The following DLG2 variants were observed in gnomAD, a reference collection of about 807,000 sequenced individuals.
DLG2 encodes the protein discs large MAGUK scaffold protein 2.
DLG2 carries 45 observed loss-of-function variants against 132.5 expected under a neutral mutation model. That is an observed-to-expected ratio of 0.34 (90% CI 0.27 to 0.44). The LOEUF is 0.44. DLG2 is among the 20% of genes least tolerant of loss of function. The pLI, the probability that DLG2 is intolerant of heterozygous loss-of-function variation, is 1.00. For synonymous variants in DLG2, 424 were observed against 419.6 expected (o/e 1.01, Z -0.13); for missense variants, 1,045 against 1,196.9 (o/e 0.87, Z 1.87).
chr11:85,271,883 T>C (rs777445625), intron 4 of DLG2, among the ~76,000 whole-genome samples: 1 of 152,218 alleles, frequency 6.6e-6, no homozygotes, highest in African/African-American at 2.4e-5. Context: ...TTGTCTCAGA[T>C]GAAACTTTGG....
chr11:84,837,474 C>T (rs1054597350), intron 6 of DLG2, among the ~76,000 whole-genome samples: 1 of 151,748 alleles, frequency 6.6e-6, no homozygotes, highest in Non-Finnish European at 1.5e-5. Flanking sequence ...GCCCATTCTC[C>T]TAGATGGCTC....
At chr11:85,483,892 C>CAA (rs5793164) in intron 3 of DLG2, among the ~76,000 whole-genome samples, 2,088 of 85,204 alleles carry the variant, frequency 0.025, 41 homozygotes, top group East Asian at 0.13. Flanking sequence ...TGCAGTGAGC[C>CAA]AAAAAAAAAA....
At chr11:84,712,974 T>C (rs1417944694) in intron 6 of DLG2, among the ~76,000 whole-genome samples, 1 of 152,132 alleles carries the variant, frequency 6.6e-6, no homozygotes, top group Admixed American at 6.5e-5. Context: ...TGTGATTTAA[T>C]AACCTCATGC....
intron 6 of DLG2, among the ~76,000 whole-genome samples, chr11:84,804,228 C>T (rs1244993537): frequency 2.6e-5 from 4 of 152,194 alleles, no homozygotes; most frequent in Non-Finnish European, 5.9e-5. Flanking sequence ...CTACTGCCAA[C>T]TTTATGTTTA....
At chr11:84,432,095 A>G (rs750755901) in intron 7 of DLG2, among the ~76,000 whole-genome samples, 16 of 152,236 alleles carry the variant, frequency 1.1e-4, no homozygotes, top group African/African-American at 1.7e-4. Context: ...CAAATGCACA[A>G]GTTGCTGTGG....
chr11:85,610,272 G>A (rs1216112495), intron 2 of DLG2, among the ~76,000 whole-genome samples: 3 of 152,178 alleles, frequency 2.0e-5, no homozygotes, highest in Non-Finnish European at 4.4e-5. Context: ...CCCAATTCTA[G>A]GAGTACAAAA....
intron 7 of DLG2, among the ~76,000 whole-genome samples, chr11:84,267,465 A>G (rs1351285937): frequency 6.6e-6 from 1 of 152,214 alleles, no homozygotes; most frequent in East Asian, 1.9e-4. Flanking sequence ...CTTCTTTAGC[A>G]CTGTATCCTA....
At chr11:85,489,831 T>G (rs1421077853) in intron 3 of DLG2, among the ~76,000 whole-genome samples, 4 of 151,810 alleles carry the variant, frequency 2.6e-5, no homozygotes, top group Admixed American at 2.6e-4. Flanking sequence ...TGTCAACAAA[T>G]AAATTATGAA....
chr11:84,492,868 C>T (rs1434065797), intron 7 of DLG2, among the ~76,000 whole-genome samples: 1 of 151,938 alleles, frequency 6.6e-6, no homozygotes, highest in Non-Finnish European at 1.5e-5. Flanking sequence ...AACCATCAGA[C>T]CAAAGGAATT....
chr11:85,387,200 T>C (rs1267254418), intron 3 of DLG2, among the ~76,000 whole-genome samples: 1 of 152,196 alleles, frequency 6.6e-6, no homozygotes, highest in East Asian at 1.9e-4. Context: ...CTTAATGAAA[T>C]ATATTTTATC....
rs1555136195 is a variant in DLG2 at position 84,650,900 on chromosome 11, T to TAA, written c.358-116171_358-116170dup. On this transcript the variant is annotated intron_variant, in intron 6 of 27. Transcript: ENST00000376104. ...ATATATATATATATATATATATATA[T>TAA]AAAATTTTTGTGCATTTGTTGAAGT... 5.3e-3 allele frequency among the ~76,000 whole-genome samples: 729 copies of TAA among 138,346 alleles called. 8 individuals are homozygous for TAA. The highest frequency in any genetic ancestry group is 0.02 in the African/African-American group (683 of 34,060). The allele number at this position is 138,346 out of a possible 152,430, so 90.8% of individuals were successfully genotyped here.
At chr11:83,891,481 C>T (rs1789713020) in intron 15 of DLG2, among the ~76,000 whole-genome samples, 1 of 152,106 alleles carries the variant, frequency 6.6e-6, no homozygotes, top group Admixed American at 6.6e-5. Context: ...CGCTTTTAAG[C>T]AAAATTAAAA....
intron 6 of DLG2, among the ~76,000 whole-genome samples, chr11:84,858,027 G>T (rs1049031199): frequency 6.6e-6 from 1 of 151,744 alleles, no homozygotes; most frequent in African/African-American, 2.4e-5. Flanking sequence ...TGAATAGCTG[G>T]GACCACAGGT....
At chr11:83,716,282 T>A (rs947023749) in intron 18 of DLG2, among the ~76,000 whole-genome samples, 2 of 152,168 alleles carry the variant, frequency 1.3e-5, no homozygotes, top group African/African-American at 4.8e-5. Context: ...AAGTTACAGC[T>A]TCAAGCACAG....
chr11:84,229,074 T>C (rs2097052898), intron 8 of DLG2, among the ~76,000 whole-genome samples: 1 of 152,182 alleles, frequency 6.6e-6, no homozygotes, highest in South Asian at 2.1e-4. Context: ...AATTATATCC[T>C]GGTAAGCACT....
chr11:85,427,573 T>C (rs949316995), intron 3 of DLG2, among the ~76,000 whole-genome samples: 34 of 152,290 alleles, frequency 2.2e-4, no homozygotes, highest in Non-Finnish European at 4.0e-4. Context: ...GACAAGCAAA[T>C]GCTGAGAGAT....
chr11:85,111,852 G>T, intron 5 of DLG2, 117 bp from the exon 6 acceptor site: 1 of 733,168 alleles, frequency 1.4e-6, no homozygotes, highest in Non-Finnish European at 2.1e-6. Context: ...CATAGAGAGA[G>T]AATGCTTTGT....
chr11:84,576,848 G>A (rs991141280), intron 6 of DLG2, among the ~76,000 whole-genome samples: 3 of 152,256 alleles, frequency 2.0e-5, no homozygotes, highest in East Asian at 1.9e-4. Context: ...TACTATCACT[G>A]ATATACTTAT....
intron 6 of DLG2, among the ~76,000 whole-genome samples, chr11:84,805,056 A>G (rs1220919466): frequency 1.3e-5 from 2 of 152,114 alleles, no homozygotes; most frequent in East Asian, 3.9e-4. Context: ...CCTGCCCAAG[A>G]GTAAAAGTAT....
Sources: allele counts gnomAD v4.1 joint callset (sites outside exome capture counted in the v4.1 genomes callset), GRCh38; gene constraint gnomAD v4.1.1; transcripts MANE v1.5; gene names NCBI Gene and HGNC (gene_info 2026-07-23, HGNC 2026-07-21).